TMEM183A: variants seen among roughly 807,000 people sequenced by gnomAD.
The protein encoded by TMEM183A is chromosome 1 open reading frame 37.
A neutral mutation model predicts 46.7 loss-of-function variants in TMEM183A; 21 were observed. The observed-to-expected ratio is 0.45, with a 90% confidence interval of 0.32 to 0.65. The LOEUF (loss-of-function observed/expected upper bound fraction) is 0.65. TMEM183A is among the 30% of genes least tolerant of loss of function. The pLI, the probability that TMEM183A is intolerant of heterozygous loss-of-function variation, is 0.04. For synonymous variants in TMEM183A, 165 were observed against 180.2 expected (o/e 0.92, Z 0.68); for missense variants, 331 against 481.9 (o/e 0.69, Z 2.93).
At chr1:203,017,158 G>C (rs776746096) in intron 5 of TMEM183A, among the ~76,000 whole-genome samples, 2 of 152,170 alleles carry the variant, frequency 1.3e-5, no homozygotes, top group Non-Finnish European at 2.9e-5. Context: ...GGTGGATTTA[G>C]AGAAGGAGTA....
At position 203,007,602 on chromosome 1, in the gene TMEM183A, A is replaced by C; in HGVS notation, c.109+28A>C. 2.0e-6 allele frequency: 3 copies of C among 1,535,330 alleles called. No individual in the cohort carries two copies. In the African/African-American group the frequency reaches 4.1e-5, roughly 21 times the overall value. The stretch of plus-strand genomic sequence containing the variant: ...GGGCGAGGGGGGCAGGGGCGCTGAA[A>C]CATTTTGGGGGCTGGCGGCTGGGAG... On this transcript the variant is annotated intron_variant, in intron 1 of 7. Coordinates refer to ENST00000367242, the MANE Select transcript of TMEM183A (RefSeq NM_138391.6).
At chr1:203,011,807 T>A (rs1039994306) in intron 3 of TMEM183A, among the ~76,000 whole-genome samples, 3 of 152,026 alleles carry the variant, frequency 2.0e-5, no homozygotes, top group African/African-American at 7.2e-5. Flanking sequence ...TAACCATAAT[T>A]CATATTTTAC....
chr1:203,016,725 C>G (rs543979369), intron 5 of TMEM183A, among the ~76,000 whole-genome samples: 11 of 152,294 alleles, frequency 7.2e-5, no homozygotes, highest in African/African-American at 2.2e-4. Flanking sequence ...CTCTCAAGTT[C>G]TTTCTGTGTT....
intron 1 of TMEM183A, 42 bp from the exon 2 acceptor site, chr1:203,007,732 C>T (rs779705598): frequency 3.7e-6 from 6 of 1,607,864 alleles, no homozygotes; most frequent in South Asian, 1.1e-5. Context: ...AAGACGCTGA[C>T]GAGAGAAGGC....
chr1:203,020,881 G>A lies in TMEM183A; in HGVS notation c.878G>A (p.Cys293Tyr), dbSNP rs765010624. 1 of 1,613,668 alleles carries A rather than the reference G, an allele frequency of 6.2e-7. No individual in the cohort carries two copies. Among genetic ancestry groups the A allele is most frequent in the Middle Eastern group, 1.7e-4 (1 of 6,058 alleles). Residue 293 changes from cysteine (C) to tyrosine (Y), a missense_variant, in exon 7 of 8, where the codon TGC becomes TAC. Around this residue, in one of 2 missense-constraint regions of TMEM183A, gnomAD observed 233 missense variants for 385.8 expected, o/e 0.60. Coordinates refer to ENST00000367242, the MANE Select transcript of TMEM183A (RefSeq NM_138391.6). ...DVHTNPDQDCCLLQVTTLNFI... is the reference protein window; with the variant it reads ...DVHTNPDQDCYLLQVTTLNFI... ...CATACCAATCCAGACCAGGACTGCTGCCTACTGCAGGTCACCACCCTCAAT... is the reference window on the plus strand; with the variant it reads ...CATACCAATCCAGACCAGGACTGCTACCTACTGCAGGTCACCACCCTCAAT...
At chr1:203,015,154 C>G (rs576302816) in intron 4 of TMEM183A, 106 bp downstream of exon 4, 2 of 1,498,910 alleles carry the variant, frequency 1.3e-6, no homozygotes, top group African/African-American at 1.4e-5. Context: ...TTTCTCTACT[C>G]CATGTCTGGG....
At chr1:203,012,235 T>TCTCACACACACACA (rs370305350) in intron 3 of TMEM183A, among the ~76,000 whole-genome samples, 1 of 80,790 alleles carries the variant, frequency 1.2e-5, no homozygotes, top group South Asian at 4.9e-4. Flanking sequence ...CCCCACTCCA[T>TCTCACACACACACA]CACACACACA....
chr1:203,012,868 T>A (rs1656799473), intron 3 of TMEM183A, among the ~76,000 whole-genome samples: 1 of 152,176 alleles, frequency 6.6e-6, no homozygotes. Flanking sequence ...TAGCAGAGAC[T>A]ACAGGCATGC....
chr1:203,017,000 T>A (rs1157262029), intron 5 of TMEM183A, among the ~76,000 whole-genome samples: 1 of 152,204 alleles, frequency 6.6e-6, no homozygotes, highest in Non-Finnish European at 1.5e-5. Flanking sequence ...TCTTCTCCCC[T>A]AGTTTAGCTC....
intron 6 of TMEM183A, among the ~76,000 whole-genome samples, chr1:203,019,463 A>C (rs937733976): frequency 2.4e-4 from 36 of 152,230 alleles, no homozygotes; most frequent in African/African-American, 7.5e-4. Flanking sequence ...TATGGGTGAT[A>C]ATGATAATGT....
chr1:203,018,453 G>T (rs766959127), intron 5 of TMEM183A, 28 bp from the exon 6 acceptor site: 2 of 1,575,314 alleles, frequency 1.3e-6, no homozygotes, highest in South Asian at 1.2e-5. Flanking sequence ...TCTTTTTCTT[G>T]GTTTATTTTA....
rs1657402836 is a variant in TMEM183A, at chr1:203,018,733, G to A, written c.789+172G>A. 2.0e-5 allele frequency among the ~76,000 whole-genome samples: 3 copies of A among 152,290 alleles called. No individual in the cohort carries two copies. The South Asian group carries it at 6.2e-4, about 32-fold the overall frequency. Reference sequence around the variant, plus strand: ...GGAGGCTGGGAAGTCCAAGATCAAGGTACTTGCAGGTTTGATGTTTGGTGA... The same window carrying A: ...GGAGGCTGGGAAGTCCAAGATCAAGATACTTGCAGGTTTGATGTTTGGTGA... On this transcript the variant is annotated intron_variant, in intron 6 of 7. Transcript: ENST00000367242.
chr1:203,020,958 G>T lies in TMEM183A; in HGVS notation c.945+10G>T. On this transcript the variant is annotated intron_variant, in intron 7 of 7. Transcript: ENST00000367242. ...AATGATATTTACTCTGGTAAGTGGG[G>T]ACTCAGGATGTCATTCTCAGCTCCT... 6.4e-7 allele frequency: 1 copy of T among 1,565,082 alleles called. No homozygotes were observed.
chr1:203,015,525 G>A, intron 4 of TMEM183A: 1 of 209,312 alleles, frequency 4.8e-6, no homozygotes, highest in Non-Finnish European at 9.7e-6. Flanking sequence ...GCTAGTTTTT[G>A]ATGCTAGGTA....
At position 203,022,888 on chromosome 1, in the gene TMEM183A, C is replaced by T. The variant is rs1657839971; in HGVS notation, c.979C>T (p.His327Tyr). 2 of 1,613,666 alleles carry T rather than the reference C, an allele frequency of 1.2e-6. No homozygotes were observed. The highest frequency in any genetic ancestry group is 1.7e-5 in the Admixed American group (1 of 59,984). Residue 327 changes from histidine (H) to tyrosine (Y), a missense_variant, in exon 8 of 8, where the codon CAT (histidine) becomes TAT (tyrosine). Around this residue, in one of 2 missense-constraint regions of TMEM183A, gnomAD observed 233 missense variants for 385.8 expected, o/e 0.60. Transcript: ENST00000367242. ...TINVSTDMRH[H>Y]RVRLVFQDSP... Reference sequence around the variant, plus strand: ...CAATGTGAGCACGGACATGCGGCATCATCGAGTGAGACTGGTGTTCCAAGA... The same window carrying T: ...CAATGTGAGCACGGACATGCGGCATTATCGAGTGAGACTGGTGTTCCAAGA...
chr1:203,014,830 TATC>T, intron 3 of TMEM183A, 56 bp from the exon 4 acceptor site: 1 of 1,589,074 alleles, frequency 6.3e-7, no homozygotes, highest in Non-Finnish European at 8.6e-7. Context: ...GAAATGAAAT[TATC>T]GAGTATCTTT....
Position 203,020,818 on chromosome 1 carries a change from C to T in TMEM183A, c.815C>T (p.Thr272Ile). ...KQSPRLKSKCTGGLQPPVQYE... is the reference protein window; with the variant it reads ...KQSPRLKSKCIGGLQPPVQYE... ...TCCCCTAGGTTAAAGAGCAAGTGTA[C>T]AGGAGGATTGCAGCCTCCCGTTCAG... The change falls in exon 7 of 8, where the codon ACA becomes ATA. Residue 272 changes from threonine to isoleucine, a missense_variant. Physicochemically the swap from Thr to Ile is moderately conservative, Grantham distance 89. This residue lies in a region of TMEM183A where 233 missense variants were observed against 385.8 expected (regional missense o/e 0.60). Transcript: ENST00000367242. 6.2e-7 allele frequency: 1 copy of T among 1,613,898 alleles called. No homozygotes were observed. Among genetic ancestry groups the T allele is most frequent in the Non-Finnish European group, 8.5e-7 (1 of 1,179,912 alleles).
chr1:203,014,342 C>T (rs1203209884), intron 3 of TMEM183A, among the ~76,000 whole-genome samples: 1 of 152,204 alleles, frequency 6.6e-6, no homozygotes, highest in Non-Finnish European at 1.5e-5. Context: ...GTGGCTCACG[C>T]CAGTAATCCC....
intron 4 of TMEM183A, 110 bp from the exon 5 acceptor site, chr1:203,015,850 C>T (rs1402645544): frequency 7.3e-7 from 1 of 1,367,868 alleles, no homozygotes; most frequent in Non-Finnish European, 9.9e-7. Context: ...TATCTACTGG[C>T]CAGTGGAATA....
Sources: gnomAD v4.1 joint callset for allele counts (sites outside exome capture counted in the v4.1 genomes callset) on GRCh38, gnomAD v4.1.1 for gene constraint, gnomAD v4.1.1 regional missense constraint, MANE v1.5 for transcripts, NCBI Gene and HGNC (gene_info 2026-07-23, HGNC 2026-07-21) for gene names.